ROBO2: variants seen among roughly 807,000 people sequenced by gnomAD.
ROBO2 encodes roundabout homolog 2.
ROBO2 carries 53 observed loss-of-function variants against 160.8 expected under a neutral mutation model. That is an observed-to-expected ratio of 0.33 (90% confidence interval 0.26 to 0.41). The LOEUF (loss-of-function observed/expected upper bound fraction) is 0.41, where lower values mean the gene tolerates loss of function less well. ROBO2 is among the 10% of genes least tolerant of loss of function. ROBO2 has a pLI of 1.00. For synonymous variants in ROBO2, 664 were observed against 611.7 expected, an observed-to-expected ratio of 1.09 and a Z score of -1.26; for missense variants, 1,577 against 1,722.4, an observed-to-expected ratio of 0.92 and a Z score of 1.49.
intron 2 of ROBO2, among the ~76,000 whole-genome samples, chr3:77,253,754 G>A (rs1004591785): frequency 2.0e-5 from 3 of 152,152 alleles, no homozygotes; most frequent in African/African-American, 7.2e-5. Flanking sequence ...TAAAAAGGCT[G>A]CAGTTTTCAG....
intron 2 of ROBO2, among the ~76,000 whole-genome samples, chr3:75,951,556 T>C (rs898266614): frequency 3.9e-5 from 6 of 152,076 alleles, no homozygotes; most frequent in Non-Finnish European, 5.9e-5. Context: ...ATGTTATTTA[T>C]GAGAAATTAA....
chr3:76,414,659 T>TA (rs1431823797), intron 2 of ROBO2, among the ~76,000 whole-genome samples: 1 of 149,024 alleles, frequency 6.7e-6, no homozygotes, highest in East Asian at 2.0e-4. Flanking sequence ...GAGATATACC[T>TA]AATGCTAGAT....
chr3:76,077,699 CAT>C (rs2068688274), intron 2 of ROBO2, among the ~76,000 whole-genome samples: 2 of 151,916 alleles, frequency 1.3e-5, no homozygotes, highest in African/African-American at 2.4e-5. Context: ...GGAGGAAACA[CAT>C]GTGGGTATGA....
At chr3:76,141,060 C>CATATATATATATATATATAT (rs55691222) in intron 2 of ROBO2, among the ~76,000 whole-genome samples, 1,331 of 53,480 alleles carry the variant, frequency 0.025, 93 homozygotes, top group Middle Eastern at 0.05. Flanking sequence ...TTTTTACATA[C>CATATATATATATATATATAT]ATATATATAT....
At chr3:77,513,743 AAC>A (rs1189524121) in intron 5 of ROBO2, among the ~76,000 whole-genome samples, 1 of 151,756 alleles carries the variant, frequency 6.6e-6, no homozygotes, top group Non-Finnish European at 1.5e-5. Context: ...ACCCTGCAAA[AAC>A]ACAGAGCTTC....
intron 2 of ROBO2, among the ~76,000 whole-genome samples, chr3:76,319,013 C>G (rs759464870): frequency 6.6e-6 from 1 of 151,952 alleles, no homozygotes; most frequent in Non-Finnish European, 1.5e-5. Flanking sequence ...CAAGGTCACC[C>G]AAACAAGAGA....
intron 2 of ROBO2, among the ~76,000 whole-genome samples, chr3:76,637,991 A>G (rs1182322519): frequency 6.6e-6 from 1 of 152,156 alleles, no homozygotes; most frequent in African/African-American, 2.4e-5. Context: ...CTTAATTTGC[A>G]TTTTCTTATA....
intron 2 of ROBO2, among the ~76,000 whole-genome samples, chr3:76,857,741 TG>T (rs1461048122): frequency 1.3e-5 from 2 of 152,238 alleles, no homozygotes; most frequent in Non-Finnish European, 2.9e-5. Context: ...GACACTCATA[TG>T]ATCATGCAAC....
intron 2 of ROBO2, among the ~76,000 whole-genome samples, chr3:76,090,623 A>T (rs534737009): frequency 4.6e-5 from 7 of 152,210 alleles, no homozygotes; most frequent in African/African-American, 1.4e-4. Context: ...CAAGCAAAAG[A>T]ATCAGAATCG....
At chr3:76,429,383 G>C (rs1355766833) in intron 2 of ROBO2, among the ~76,000 whole-genome samples, 1 of 152,120 alleles carries the variant, frequency 6.6e-6, no homozygotes, top group Non-Finnish European at 1.5e-5. Flanking sequence ...TATGTGGTTG[G>C]AGACAGTATT....
chr3:75,961,519 T>G (rs1413320249), intron 2 of ROBO2, among the ~76,000 whole-genome samples: 5 of 151,664 alleles, frequency 3.3e-5, no homozygotes, highest in Non-Finnish European at 7.4e-5. Context: ...TACTTCTAAG[T>G]AATAAATAGC....
At chr3:77,254,435 T>G (rs2090710057) in intron 2 of ROBO2, among the ~76,000 whole-genome samples, 1 of 146,014 alleles carries the variant, frequency 6.8e-6, no homozygotes, top group Non-Finnish European at 1.5e-5. Flanking sequence ...GCAATTAAAA[T>G]ACTTCTTTTT....
At chr3:76,940,443 T>G (rs1485484020) in intron 2 of ROBO2, among the ~76,000 whole-genome samples, 1 of 152,212 alleles carries the variant, frequency 6.6e-6, no homozygotes, top group East Asian at 1.9e-4. Context: ...AATAGCTACT[T>G]TCGTTCTCGA....
At chr3:77,420,110 A>G (rs913979429) in intron 2 of ROBO2, among the ~76,000 whole-genome samples, 1 of 152,146 alleles carries the variant, frequency 6.6e-6, no homozygotes, top group African/African-American at 2.4e-5. Flanking sequence ...AAATTCTTTA[A>G]TTTTTAACTT....
At chr3:77,481,826 C>T (rs1024279240) in intron 4 of ROBO2, among the ~76,000 whole-genome samples, 1 of 151,722 alleles carries the variant, frequency 6.6e-6, no homozygotes, top group African/African-American at 2.4e-5. Flanking sequence ...CTGACTAGAA[C>T]CATATCATAT....
At chr3:76,824,091 T>C (rs1006571855) in intron 2 of ROBO2, among the ~76,000 whole-genome samples, 4 of 152,182 alleles carry the variant, frequency 2.6e-5, no homozygotes, top group African/African-American at 9.6e-5. Context: ...GTCTTCTGCA[T>C]GGTCAAAGCT....
At chr3:76,948,792 G>A (rs1337676097) in intron 2 of ROBO2, among the ~76,000 whole-genome samples, 1 of 138,442 alleles carries the variant, frequency 7.2e-6, no homozygotes, top group Non-Finnish European at 1.5e-5. Flanking sequence ...TGCAACCCCC[G>A]CCTCCCAGGT....
At chr3:76,294,495 T>C (rs1708969657) in intron 2 of ROBO2, among the ~76,000 whole-genome samples, 1 of 152,106 alleles carries the variant, frequency 6.6e-6, no homozygotes, top group Admixed American at 6.6e-5. Flanking sequence ...CATTGTCCAC[T>C]TTTTAGCCAG....
intron 2 of ROBO2, among the ~76,000 whole-genome samples, chr3:76,944,120 T>A (rs1306642316): frequency 6.6e-6 from 1 of 152,162 alleles, no homozygotes; most frequent in Non-Finnish European, 1.5e-5. Flanking sequence ...CTTTTTCCAA[T>A]TAAAAGGTCT....
Sources: gnomAD v4.1 joint callset for allele counts (sites outside exome capture counted in the v4.1 genomes callset) on GRCh38, gnomAD v4.1.1 for gene constraint, MANE v1.5 for transcripts, NCBI Gene and HGNC (gene_info 2026-07-23, HGNC 2026-07-21) for gene names.